The following APPL1 variants were observed in gnomAD, a reference collection of about 807,000 sequenced individuals.
APPL1 encodes DCC-interacting protein 13-alpha.
A neutral mutation model predicts 106.8 loss-of-function variants in APPL1; 42 were observed. That is an observed-to-expected ratio of 0.39 (90% CI 0.31 to 0.51). The LOEUF is 0.51. Ranked by LOEUF, APPL1 falls within the 20% of genes least tolerant of loss-of-function variation. The pLI is 0.75. For missense variants in APPL1, 769 were observed against 858.2 expected, an observed-to-expected ratio of 0.90 and a Z score of 1.30; for synonymous variants, 263 against 281.8, an observed-to-expected ratio of 0.93 and a Z score of 0.67.
Position 57,228,103 on chromosome 3 carries a change from C to T in APPL1, c.54+166C>T, listed in dbSNP as rs1222230987. ...GCGCCCGGAGTTGTGGAGGCTGGGCCCGCCGCCCAAGGCCCGCGTGGGCCT... is the reference window on the plus strand; with the variant it reads ...GCGCCCGGAGTTGTGGAGGCTGGGCTCGCCGCCCAAGGCCCGCGTGGGCCT... On this transcript the variant is annotated intron_variant, in intron 1 of 21. Transcript: ENST00000288266. The surrounding 1 kb of genome is among the most constrained non-coding windows in gnomAD (Gnocchi z 4.6). Among the ~76,000 whole-genome samples, 1 of 151,854 alleles carries T rather than the reference C, an allele frequency of 6.6e-6. No individual in the cohort carries two copies. The highest frequency in any genetic ancestry group is 2.4e-5 in the African/African-American group (1 of 41,410).
chr3:57,254,289 G>A (rs2060823605), intron 13 of APPL1, among the ~76,000 whole-genome samples: 1 of 152,196 alleles, frequency 6.6e-6, no homozygotes, highest in African/African-American at 2.4e-5. Context: ...TCTGCGTTGA[G>A]CACCATGAAG....
At chr3:57,235,455 A>G (rs1048954853) in intron 1 of APPL1, 111 bp from the exon 2 acceptor site, 20 of 589,578 alleles carry the variant, frequency 3.4e-5, no homozygotes, top group Non-Finnish European at 5.2e-5. Flanking sequence ...ATTAAAACTC[A>G]GAATTACTAG....
At position 57,227,821 on chromosome 3, in the gene APPL1, G is replaced by T. The variant is rs1393136304; in HGVS notation, c.-63G>T. ...CGGGCCGGGGTCAGCTGCGGCGGGC[G>T]GGCCGGCGCGGGGAGCTGTGGGCGG... On this transcript the variant is annotated 5_prime_UTR_variant, in exon 1 of 22. Coordinates refer to ENST00000288266, the MANE Select transcript of APPL1 (RefSeq NM_012096.3). 1.5e-6 allele frequency: 2 copies of T among 1,363,742 alleles called. No individual in the cohort carries two copies. The highest frequency in any genetic ancestry group is 2.4e-5 in the Admixed American group (1 of 40,996). 84.5% of individuals were successfully genotyped at this position (1,363,742 alleles called of 1,614,324 possible).
intron 18 of APPL1, 115 bp from the exon 19 acceptor site, chr3:57,260,513 G>C: frequency 1.1e-6 from 1 of 933,688 alleles, no homozygotes; most frequent in Non-Finnish European, 1.5e-6. Context: ...TAAAATAATT[G>C]GCTTTAATAT....
chr3:57,260,651 G>A lies in APPL1; in HGVS notation c.1719G>A (p.Leu573=), dbSNP rs1018889741. The A allele has an allele frequency of 9.3e-6, 15 of 1,610,384 alleles. No homozygotes were observed. Among genetic ancestry groups the A allele is most frequent in the Admixed American group, 1.7e-5 (1 of 59,894 alleles). ...AGTTTCCATTACCTTGTGTAGTTTT[G>A]TATGCTACACACCAGGAAAATAAGC... ...RLTFPLPCVV[L]YATHQENKRL... is the part of the protein sequence containing the mutation. The change falls in exon 19 of 22, where the codon TTG becomes TTA. Residue 573 remains leucine, a synonymous_variant. Transcript: ENST00000288266.
intron 1 of APPL1, 41 bp from the exon 2 acceptor site, chr3:57,235,525 T>C: frequency 7.7e-7 from 1 of 1,301,174 alleles, no homozygotes. Context: ...ATCTGATTTG[T>C]ATAATGATTA....
In APPL1 at chr3:57,256,986, T is replaced by C. The variant is rs181789799; in HGVS notation, c.1182T>C (p.Ala394=). 6.5e-5 allele frequency: 105 copies of C among 1,614,176 alleles called. No homozygotes were observed. In the East Asian group the frequency reaches 1.8e-3, roughly 27 times the overall value. ...CTGCTGCACGAGTAAATCAATCAGC[T>C]CTGGAAGCTGTCACTCCTTCCCCAT... ...EETAARVNQS[A]LEAVTPSPSF... Residue 394 remains alanine (A), a synonymous_variant, in exon 14 of 22, where the codon GCT becomes GCC. Transcript: ENST00000288266.
intron 10 of APPL1, 33 bp downstream of exon 10, chr3:57,248,384 G>A: frequency 6.3e-7 from 1 of 1,597,436 alleles, no homozygotes; most frequent in Non-Finnish European, 8.6e-7. Flanking sequence ...TGTATATTGT[G>A]TATCATGTAA....
In APPL1 at chr3:57,242,154, A is replaced by G; in HGVS notation, c.415+12A>G. On this transcript the variant is annotated intron_variant, in intron 6 of 21. Transcript: ENST00000288266. ...GATTGCAAGTAATGGTAAGCCCTAT[A>G]ATTTGCACACTTATTTCTTGCAGTG... 3 of 1,585,320 alleles carry G rather than the reference A, an allele frequency of 1.9e-6. No homozygotes were observed. Among genetic ancestry groups the G allele is most frequent in the Non-Finnish European group, 2.6e-6 (3 of 1,158,556 alleles).
chr3:57,235,740 T>C, intron 2 of APPL1, 76 bp downstream of exon 2: 8 of 1,036,314 alleles, frequency 7.7e-6, no homozygotes, highest in Non-Finnish European at 1.2e-5. Flanking sequence ...AGTGTCTGTC[T>C]TGTTTACCAC....
chr3:57,249,635 T>C, intron 11 of APPL1, 87 bp downstream of exon 11: 3 of 1,265,158 alleles, frequency 2.4e-6, no homozygotes, highest in Non-Finnish European at 3.2e-6. Flanking sequence ...AGAAATTTTA[T>C]GGACATTTTA....
rs978073194 is a variant in APPL1, at chr3:57,247,465, C to T, written c.692C>T (p.Thr231Ile). The change falls in exon 9 of 22, where the codon ACA becomes ATA. Residue 231 changes from threonine to isoleucine, a missense_variant. By Grantham distance (89) the Thr-to-Ile change is moderately conservative. Transcript: ENST00000288266. ...GAAGAATTTTTAGCTAATATTGGAA[C>T]AAGCGTTCAGAAGTAAGTATTTTTT... ...QLEEFLANIG[T>I]SVQNVRREMD... 1 of 1,601,530 alleles carries T rather than the reference C, an allele frequency of 6.2e-7. No homozygotes were observed.
chr3:57,270,348 T>C lies in APPL1; in HGVS notation c.*661T>C, dbSNP rs1420614889. 1 of 152,656 alleles carries C rather than the reference T, an allele frequency of 6.6e-6. No homozygotes were observed. Among genetic ancestry groups the C allele is most frequent in the Non-Finnish European group, 1.5e-5 (1 of 68,042 alleles). 9.5% of individuals were successfully genotyped at this position (152,656 alleles called of 1,614,324 possible). ...AAGCTTAAGTGTCTTCAGTTCAAGA[T>C]TGATAGAGCCCTTGGCATTTTATTA... On this transcript the variant is annotated 3_prime_UTR_variant, in exon 22 of 22. Transcript: ENST00000288266.
chr3:57,258,932 T>G, intron 15 of APPL1, 96 bp from the exon 16 acceptor site: 2 of 936,388 alleles, frequency 2.1e-6, no homozygotes, highest in Non-Finnish European at 3.2e-6. Flanking sequence ...AGAGCTTTTT[T>G]TTTTTAAATG....
intron 5 of APPL1, 48 bp from the exon 6 acceptor site, chr3:57,242,049 CAAAT>C (rs2060748824): frequency 1.5e-6 from 2 of 1,324,770 alleles, no homozygotes; most frequent in African/African-American, 1.5e-5. Flanking sequence ...GTTTTCCAAA[CAAAT>C]GTATTTCATA....
At chr3:57,253,846 G>T in intron 13 of APPL1, 108 bp downstream of exon 13, 16 of 774,938 alleles carry the variant, frequency 2.1e-5, no homozygotes, top group Non-Finnish European at 2.8e-5. Flanking sequence ...TTTTTAATTT[G>T]ACCTTGAATG....
At chr3:57,230,441 G>T (rs1559505502) in intron 1 of APPL1, among the ~76,000 whole-genome samples, 2 of 148,728 alleles carry the variant, frequency 1.3e-5, no homozygotes, top group African/African-American at 4.9e-5. Context: ...TTATTCTACT[G>T]TTTTTTTTTT....
chr3:57,240,487 T>C lies in APPL1; in HGVS notation c.308T>C (p.Leu103Pro), dbSNP rs775623868. 6.2e-7 allele frequency: 1 copy of C among 1,613,946 alleles called. No homozygotes were observed. Among genetic ancestry groups the C allele is most frequent in the Non-Finnish European group, 8.5e-7 (1 of 1,179,864 alleles). The change falls in exon 5 of 22, where the codon CTT (leucine) becomes CCT (proline). Residue 103 changes from leucine (L) to proline (P), a missense_variant. Leu to Pro is a moderately conservative substitution (Grantham distance 98). Coordinates refer to ENST00000288266, the MANE Select transcript of APPL1 (RefSeq NM_012096.3). ...TAGCTTAGCTCTTGTCATGCAGTGC[T>C]TTCAACTCAACTTGCTGATGCCATG... The part of the protein sequence containing the change: ...IDELSSCHAV[L>P]STQLADAMMF...
intron 16 of APPL1, 64 bp downstream of exon 16, chr3:57,259,144 ATT>A: frequency 7.4e-7 from 1 of 1,357,976 alleles, no homozygotes; most frequent in Non-Finnish European, 1.0e-6. Context: ...TGAATAATTT[ATT>A]GTTTATATTT....
Sources: allele counts gnomAD v4.1 joint callset (sites outside exome capture counted in the v4.1 genomes callset), GRCh38; gene constraint gnomAD v4.1.1; non-coding constraint Gnocchi (gnomAD v3.1); transcripts MANE v1.5; gene names NCBI Gene and HGNC (gene_info 2026-07-23, HGNC 2026-07-21).